Variants in ARHGAP39 observed in about 807,000 individuals in gnomAD.
ARHGAP39 encodes Rho GTPase activating protein 39.
A neutral mutation model predicts 106.9 loss-of-function variants in ARHGAP39; 44 were observed. The ratio of observed to expected loss-of-function variants is 0.41; its 90% CI spans 0.32 to 0.53. The LOEUF (loss-of-function observed/expected upper bound fraction) is 0.53. Ranked by LOEUF, ARHGAP39 falls within the 20% of genes least tolerant of loss-of-function variation. The probability of loss-of-function intolerance (pLI) is 0.21; values close to 1 mark genes in which losing one functional copy is unlikely to be tolerated. For synonymous variants in ARHGAP39, 768 were observed against 693.2 expected (o/e 1.11, Z -1.69); for missense variants, 1,496 against 1,577.3 (o/e 0.95, Z 0.87).
chr8:144,539,637 G>A (rs1399884061), intron 6 of ARHGAP39, among the ~76,000 whole-genome samples: 2 of 152,086 alleles, frequency 1.3e-5, no homozygotes, highest in East Asian at 1.9e-4. Context: ...TTGGATATCC[G>A]GTTTTCCCAG....
intron 1 of ARHGAP39, among the ~76,000 whole-genome samples, chr8:144,668,733 C>T (rs558604933): frequency 4.6e-5 from 7 of 152,098 alleles, no homozygotes; most frequent in African/African-American, 1.7e-4. Context: ...CAGAACACTC[C>T]ACACTGATCA....
intron 1 of ARHGAP39, among the ~76,000 whole-genome samples, chr8:144,655,153 G>A (rs776741137): frequency 7.9e-5 from 12 of 152,166 alleles, no homozygotes; most frequent in Non-Finnish European, 7.4e-5. Context: ...GCAGGTCCCC[G>A]GTGAGGCCCC....
intron 10 of ARHGAP39, 72 bp downstream of exon 10, chr8:144,532,233 C>G (rs1026944420): frequency 2.2e-6 from 3 of 1,377,150 alleles, no homozygotes; most frequent in African/African-American, 2.8e-5. Context: ...ACCCCAGAGG[C>G]GGAGACAGGG....
chr8:144,553,986 G>T (rs1817819801), intron 4 of ARHGAP39, among the ~76,000 whole-genome samples: 1 of 152,258 alleles, frequency 6.6e-6, no homozygotes. Context: ...TGCTGGCCCT[G>T]TGTCGGGGGG....
At chr8:144,588,062 C>T (rs1819249863) in intron 2 of ARHGAP39, among the ~76,000 whole-genome samples, 1 of 152,244 alleles carries the variant, frequency 6.6e-6, no homozygotes, top group South Asian at 2.1e-4. Flanking sequence ...GTGATGGTCC[C>T]AGCCCCACGG....
At chr8:144,637,525 G>T (rs574744611) in intron 1 of ARHGAP39, among the ~76,000 whole-genome samples, 3 of 152,138 alleles carry the variant, frequency 2.0e-5, no homozygotes, top group Admixed American at 6.5e-5. Context: ...CAGGAAAATC[G>T]CTTCAACCCG....
rs182420160 is a variant in ARHGAP39 at position 144,639,265 on chromosome 8, G to A, written c.-81-33570C>T. Among the ~76,000 whole-genome samples, 456 of 150,852 alleles carry A rather than the reference G, an allele frequency of 3.0e-3. 3 individuals carry two copies. The highest frequency in any genetic ancestry group is 0.019 in the Admixed American group (292 of 15,118). On this transcript the variant is annotated intron_variant, in intron 1 of 11. Coordinates refer to ENST00000377307, the MANE Select transcript of ARHGAP39 (RefSeq NM_025251.3). ...CACTTGAGCCCGGGAGGTGGAGGTT[G>A]CAGTGAGCTGAGATCGCACCACTGC...
rs370895877 is a variant in ARHGAP39, at chr8:144,602,719, C to T, written c.80+2816G>A. 1.8e-4 allele frequency among the ~76,000 whole-genome samples: 21 copies of T among 115,076 alleles called. No homozygotes were observed. The East Asian group carries it at 5.5e-3, about 30-fold the overall frequency. 75.5% of individuals were successfully genotyped at this position (115,076 alleles called of 152,430 possible). A position where few individuals can be genotyped will look rare whatever the true frequency, so the allele number is the denominator to read the frequency against. The stretch of plus-strand genomic sequence containing the variant: ...GCATGTGCGTGGAGTTGTGTGCGCT[C>T]GTGTACCTGTGTGTGTGCATGGAGG... On this transcript the variant is annotated intron_variant, in intron 2 of 11. Coordinates refer to ENST00000377307, the MANE Select transcript of ARHGAP39 (RefSeq NM_025251.3).
chr8:144,542,494 A>G (rs1817235194), intron 6 of ARHGAP39, among the ~76,000 whole-genome samples: 1 of 152,178 alleles, frequency 6.6e-6, no homozygotes, highest in Non-Finnish European at 1.5e-5. Context: ...CCTTTTTCTA[A>G]GAACTGTGCT....
chr8:144,639,996 G>A (rs955875903), intron 1 of ARHGAP39, among the ~76,000 whole-genome samples: 2 of 152,136 alleles, frequency 1.3e-5, no homozygotes, highest in Non-Finnish European at 2.9e-5. Flanking sequence ...CATGCAAGAC[G>A]TCTGGTTTTC....
rs919233771 is a variant in ARHGAP39 at position 144,547,029 on chromosome 8, G to A, written c.1959+98C>T. The A allele has an allele frequency of 1.0e-5, 14 of 1,388,508 alleles. No homozygotes were observed. The African/African-American group carries it at 1.2e-4, about 12-fold the overall frequency. The allele number at this position is 1,388,508 out of a possible 1,614,324, so 86.0% of individuals were successfully genotyped here. On this transcript the variant is annotated intron_variant, in intron 5 of 11. Transcript: ENST00000377307. The surrounding 1 kb of genome is among the most constrained non-coding windows in gnomAD (Gnocchi z 5.2). The stretch of plus-strand genomic sequence containing the variant: ...TCAGAACTCTGCGTGCTGCGTGCAC[G>A]CCCTGGACGCCAGGTCTCCTGTGCC...
intron 6 of ARHGAP39, among the ~76,000 whole-genome samples, chr8:144,541,272 G>C (rs753556197): frequency 6.6e-6 from 1 of 152,138 alleles, no homozygotes; most frequent in African/African-American, 2.4e-5. Flanking sequence ...CAGCTTTTCC[G>C]TTTCCCACCA....
chr8:144,644,365 A>G lies in ARHGAP39; in HGVS notation c.-81-38670T>C, dbSNP rs979657648. Among the ~76,000 whole-genome samples the G allele has an allele frequency of 2.0e-5, 3 of 152,214 alleles. No individual in the cohort carries two copies. The highest frequency in any genetic ancestry group is 4.4e-5 in the Non-Finnish European group (3 of 68,038). On this transcript the variant is annotated intron_variant, in intron 1 of 11. Coordinates refer to ENST00000377307, the MANE Select transcript of ARHGAP39 (RefSeq NM_025251.3). This position sits in a 1 kb window ranked among gnomAD's most constrained non-coding sequence, Gnocchi z 4.8. ...AGGATTCCATGTCCATGAAGTGACC[A>G]GGAGCGGCAGATCGGCAGAGATGGA...
At chr8:144,620,730 G>A (rs7016537) in intron 1 of ARHGAP39, among the ~76,000 whole-genome samples, 30,950 of 152,162 alleles carry the variant, frequency 0.2, 5,305 homozygotes, top group African/African-American at 0.47. Flanking sequence ...CCCTGACCCA[G>A]TGGGCTGCCC....
intron 1 of ARHGAP39, among the ~76,000 whole-genome samples, chr8:144,678,058 T>C (rs1822288398): frequency 6.6e-6 from 1 of 152,134 alleles, no homozygotes; most frequent in Non-Finnish European, 1.5e-5. Context: ...AACCCAATCA[T>C]CTTTACTGAA....
rs118157524 is a variant in ARHGAP39 at position 144,600,201 on chromosome 8, G to A, written c.80+5334C>T. Among the ~76,000 whole-genome samples the A allele has an allele frequency of 6.9e-4, 105 of 151,624 alleles. 3 individuals are homozygous for A. The East Asian group carries it at 0.015, about 22-fold the overall frequency. On this transcript the variant is annotated intron_variant, in intron 2 of 11. Coordinates refer to ENST00000377307, the MANE Select transcript of ARHGAP39 (RefSeq NM_025251.3). ...TGCGCACTTGTGTACCTACCTGCGT[G>A]TGCGTGTGTGTGGGGGGCATGTGTG...
At chr8:144,543,338 G>T (rs1048060818) in intron 6 of ARHGAP39, among the ~76,000 whole-genome samples, 2 of 152,176 alleles carry the variant, frequency 1.3e-5, no homozygotes, top group Non-Finnish European at 2.9e-5. Flanking sequence ...GGCACAGGAG[G>T]CTGGCTGGAG....
Position 144,533,272 on chromosome 8 carries a change from G to A in ARHGAP39, c.2742C>T (p.Phe914=), listed in dbSNP as rs1816805124. 7.4e-6 allele frequency: 12 copies of A among 1,613,164 alleles called. No homozygotes were observed. The highest frequency in any genetic ancestry group is 1.0e-5 in the Non-Finnish European group (12 of 1,179,974). ...GTGCGCTGCCGAACATGGACGGGCT[G>A]AACACGGCGTTCTTGGCATGCCGGA... is the stretch of plus-strand genomic sequence containing the variant. ...EEIRHAKNAV[F]SPSMFGSALQ... The change falls in exon 9 of 12, where the codon TTC becomes TTT. Residue 914 remains phenylalanine (F), a synonymous_variant. Coordinates refer to ENST00000377307, the MANE Select transcript of ARHGAP39 (RefSeq NM_025251.3).
chr8:144,583,357 C>T (rs1209052217), intron 2 of ARHGAP39, among the ~76,000 whole-genome samples: 1 of 152,250 alleles, frequency 6.6e-6, no homozygotes, highest in Non-Finnish European at 1.5e-5. Flanking sequence ...CGTGTCACCT[C>T]CCTGAAACCG....
Sources: gnomAD v4.1 joint callset for allele counts (sites outside exome capture counted in the v4.1 genomes callset) on GRCh38, gnomAD v4.1.1 for gene constraint, Gnocchi (gnomAD v3.1) non-coding constraint, MANE v1.5 for transcripts, NCBI Gene and HGNC (gene_info 2026-07-23, HGNC 2026-07-21) for gene names.